HNF1A: variants seen among roughly 807,000 people sequenced by gnomAD.
The protein encoded by HNF1A is hepatocyte nuclear factor 1-alpha.
Under a neutral mutation model 62.2 loss-of-function variants are expected in HNF1A, and 21 were observed. The ratio of observed to expected loss-of-function variants is 0.34; its 90% confidence interval spans 0.24 to 0.49. The LOEUF is 0.49. Among genes scored for constraint, HNF1A ranks in the 20% least tolerant of loss-of-function variants. The pLI is 0.99. For missense variants in HNF1A, 687 were observed against 832.3 expected (o/e 0.83, Z 2.15); for synonymous variants, 374 against 366.8 (o/e 1.02, Z -0.22).
chr12:120,989,199 CT>C (rs1876686361), intron 2 of HNF1A, among the ~76,000 whole-genome samples, 167 bp downstream of exon 2: 1 of 152,218 alleles, frequency 6.6e-6, no homozygotes, highest in African/African-American at 2.4e-5. Context: ...GCCAGGCACT[CT>C]GTGGGACGGG....
intron 1 of HNF1A, among the ~76,000 whole-genome samples, chr12:120,982,466 G>GGGGC (rs1876305439): frequency 6.6e-6 from 1 of 151,630 alleles, no homozygotes; most frequent in African/African-American, 2.4e-5. Context: ...CAGGAGGGGG[G>GGGGC]GGGGACAGAG....
At chr12:120,980,796 G>C (rs1876212990) in intron 1 of HNF1A, 1 of 152,058 alleles carries the variant, frequency 6.6e-6, no homozygotes, top group East Asian at 1.9e-4. Context: ...AGTGTAGAGA[G>C]AGGCCATTGG....
chr12:120,991,152 CTG>C (rs1464506606), intron 2 of HNF1A, among the ~76,000 whole-genome samples: 1 of 152,208 alleles, frequency 6.6e-6, no homozygotes, highest in Non-Finnish European at 1.5e-5. Flanking sequence ...TCACATGTGA[CTG>C]TGTCTGTAGG....
At chr12:120,981,162 A>G (rs1450393416) in intron 1 of HNF1A, among the ~76,000 whole-genome samples, 3 of 149,806 alleles carry the variant, frequency 2.0e-5, no homozygotes, top group Non-Finnish European at 4.5e-5. Flanking sequence ...CCAGGGAGAG[A>G]GGGGCGGGGG....
intron 7 of HNF1A, chr12:120,997,925 CCT>C: frequency 1.5e-6 from 1 of 657,040 alleles, no homozygotes; most frequent in Non-Finnish European, 2.8e-6. Context: ...TGTGTGCATG[CCT>C]GTGTTTCTCT....
intron 1 of HNF1A, among the ~76,000 whole-genome samples, chr12:120,982,928 AT>A (rs1257302126): frequency 1.3e-5 from 2 of 152,094 alleles, no homozygotes; most frequent in Admixed American, 1.3e-4. Flanking sequence ...CGCTAAGCTC[AT>A]TTTTTCCTCC....
intron 9 of HNF1A, chr12:121,000,708 C>G: frequency 2.9e-6 from 1 of 349,448 alleles, no homozygotes; most frequent in Non-Finnish European, 5.6e-6. Flanking sequence ...TCAAAGCCAA[C>G]TGATTGTGGC....
chr12:120,983,717 T>C (rs1185741500), intron 1 of HNF1A, among the ~76,000 whole-genome samples: 2 of 152,024 alleles, frequency 1.3e-5, no homozygotes, highest in Non-Finnish European at 2.9e-5. Flanking sequence ...AGCTAATTTT[T>C]GTATTTTTAG....
intron 6 of HNF1A, 162 bp from the exon 7 acceptor site, chr12:120,997,312 T>C (rs1303734065): frequency 1.5e-6 from 2 of 1,366,450 alleles, no homozygotes; most frequent in Non-Finnish European, 1.9e-6. Context: ...CCAGAGCCAC[T>C]TAAATTAGTG....
Position 120,978,933 on chromosome 12 carries a change from G to A in HNF1A, c.165G>A (p.Gly55=), listed in dbSNP as rs2135819842. 6.2e-7 allele frequency: 1 copy of A among 1,610,286 alleles called. No individual in the cohort carries two copies. Among genetic ancestry groups the A allele is most frequent in the Non-Finnish European group, 8.5e-7 (1 of 1,178,396 alleles). ...GGGAGTCCTGCGGCGGCGGTCGAGG[G>A]GAGCTGGCTGAGCTGCCCAATGGGC... ...DKGESCGGGR[G]ELAELPNGLG... is the part of the protein sequence containing the mutation. Residue 55 remains glycine, a synonymous_variant, in exon 1 of 10, where the codon GGG becomes GGA. Transcript: ENST00000257555.
In HNF1A at chr12:120,978,819, C is replaced by T. The variant is rs1169289; in HGVS notation, c.51C>T (p.Leu17=). The T allele has an allele frequency of 1.9e-6, 3 of 1,612,824 alleles. No homozygotes were observed. The highest frequency in any genetic ancestry group is 1.3e-5 in the African/African-American group (1 of 74,838). ...AGACGGAGCTCCTGGCGGCCCTGCTCGAGTCAGGGCTGAGCAAAGAGGCAC... is the reference window on the plus strand; with the variant it reads ...AGACGGAGCTCCTGGCGGCCCTGCTTGAGTCAGGGCTGAGCAAAGAGGCAC... ...QLQTELLAAL[L]ESGLSKEALI... The change falls in exon 1 of 10, where the codon CTC becomes CTT. Residue 17 remains leucine, a synonymous_variant. Transcript: ENST00000257555.
chr12:120,987,870 T>C (rs1000347475), intron 1 of HNF1A, among the ~76,000 whole-genome samples: 12 of 152,166 alleles, frequency 7.9e-5, no homozygotes, highest in African/African-American at 2.7e-4. Flanking sequence ...CTTTTCTTTT[T>C]TTTGAGACAG....
Position 121,001,623 on chromosome 12 carries a change from A to G in HNF1A, c.*431A>G. 1 of 440,184 alleles carries G rather than the reference A, an allele frequency of 2.3e-6. No individual in the cohort carries two copies. The highest frequency in any genetic ancestry group is 4.3e-6 in the Non-Finnish European group (1 of 230,310). The allele number at this position is 440,184 out of a possible 1,614,324, so 27.3% of individuals were successfully genotyped here. A position where few individuals can be genotyped will look rare whatever the true frequency, so the allele number is the denominator to read the frequency against. On this transcript the variant is annotated 3_prime_UTR_variant, in exon 10 of 10. Coordinates refer to ENST00000257555, the MANE Select transcript of HNF1A (RefSeq NM_000545.8). ...TAGCTGTGACCTGCTGAGCTCTGAG[A>G]GGCCCTGGATCAGCGTGGCCTTGTT...
rs764113059 is a variant in HNF1A, at chr12:120,996,430, G to C, written c.1107+17G>C. 4 of 1,614,000 alleles carry C rather than the reference G, an allele frequency of 2.5e-6. No individual in the cohort carries two copies. The African/African-American group carries it at 5.3e-5, about 22-fold the overall frequency. On this transcript the variant is annotated intron_variant, in intron 5 of 9. Transcript: ENST00000257555. This position sits in a 1 kb window ranked among gnomAD's most constrained non-coding sequence, Gnocchi z 4.5. ...GCCAAGCTGGTGAGTGTCCTTGCTT[G>C]TAAGGAAAACCCAACCTCATCTTTC...
Position 120,994,200 on chromosome 12 carries a change from G to A in HNF1A, c.750G>A (p.Gln250=), listed in dbSNP as rs1229454205. 1.2e-6 allele frequency: 2 copies of A among 1,613,682 alleles called. No individual in the cohort carries two copies. The highest frequency in any genetic ancestry group is 3.3e-5 in the Admixed American group (2 of 59,910). ...TCCAGAGAGGGGTGTCCCCATCACA[G>A]GCACAGGGGCTGGGCTCCAACCTCG... The part of the protein sequence containing the change: ...ECIQRGVSPS[Q]AQGLGSNLVT... The change falls in exon 4 of 10, where the codon CAG becomes CAA. Residue 250 remains glutamine, a synonymous_variant. Transcript: ENST00000257555.
At chr12:120,981,711 C>T (rs1054085758) in intron 1 of HNF1A, among the ~76,000 whole-genome samples, 3 of 152,216 alleles carry the variant, frequency 2.0e-5, no homozygotes, top group Non-Finnish European at 4.4e-5. Flanking sequence ...GCCCCACCCC[C>T]GTCACTCTCT....
Position 121,002,406 on chromosome 12 carries a change from A to G in HNF1A, c.*1214A>G. ...GTGTACCGCGTCTACCCTGGGATTCAGGAAAAGGCCTGGGGTGACCCGGCA... is the reference window on the plus strand; with the variant it reads ...GTGTACCGCGTCTACCCTGGGATTCGGGAAAAGGCCTGGGGTGACCCGGCA... On this transcript the variant is annotated 3_prime_UTR_variant, in exon 10 of 10. Transcript: ENST00000257555. 1 of 528,606 alleles carries G rather than the reference A, an allele frequency of 1.9e-6. No individual in the cohort carries two copies. Among genetic ancestry groups the G allele is most frequent in the Middle Eastern group, 3.6e-4 (1 of 2,752 alleles). The allele number at this position is 528,606 out of a possible 1,614,324, so 32.7% of individuals were successfully genotyped here.
At position 120,978,984 on chromosome 12, in the gene HNF1A, C is replaced by T. The variant is rs148961412; in HGVS notation, c.216C>T (p.Asp72=). 1.8e-5 allele frequency: 29 copies of T among 1,607,910 alleles called. No individual in the cohort carries two copies. The highest frequency in any genetic ancestry group is 1.6e-4 in the Middle Eastern group (1 of 6,076). ...TGGGGGAGACTCGGGGCTCCGAGGA[C>T]GAGACGGACGACGATGGGGAAGACT... The part of the protein sequence containing the change: ...NGLGETRGSE[D]ETDDDGEDFT... The change falls in exon 1 of 10, where the codon GAC becomes GAT. Residue 72 remains aspartate (D), a synonymous_variant. Coordinates refer to ENST00000257555, the MANE Select transcript of HNF1A (RefSeq NM_000545.8).
At chr12:120,994,090 A>T (rs1876960971) in intron 3 of HNF1A, 74 bp from the exon 4 acceptor site, 1 of 1,569,616 alleles carries the variant, frequency 6.4e-7, no homozygotes, top group African/African-American at 1.3e-5. Flanking sequence ...AGCTTCTCAG[A>T]ACCCTCCCCT....
Sources: allele counts gnomAD v4.1 joint callset (sites outside exome capture counted in the v4.1 genomes callset), GRCh38; gene constraint gnomAD v4.1.1; non-coding constraint Gnocchi (gnomAD v3.1); transcripts MANE v1.5; gene names NCBI Gene and HGNC (gene_info 2026-07-23, HGNC 2026-07-21).